The following DNAH2 variants were observed in gnomAD, a reference collection of about 807,000 sequenced individuals.
The protein encoded by DNAH2 is dynein axonemal heavy chain 2, also known as axonemal beta dynein heavy chain 2.
A neutral mutation model predicts 523.5 loss-of-function variants in DNAH2; 323 were observed. The ratio of observed to expected loss-of-function variants is 0.62; its 90% confidence interval spans 0.56 to 0.68. The LOEUF is 0.68. Ranked by LOEUF, DNAH2 falls within the 30% of genes least tolerant of loss-of-function variation. The pLI, the probability that DNAH2 is intolerant of heterozygous loss-of-function variation, is 0.00. For missense variants in DNAH2, 4,907 were observed against 5,701.5 expected, an observed-to-expected ratio of 0.86 and a Z score of 4.49; for synonymous variants, 2,093 against 2,177.4, an observed-to-expected ratio of 0.96 and a Z score of 1.08.
chr17:7,813,305 G>A lies in DNAH2; in HGVS notation c.9730-3266G>A, dbSNP rs190512909. Among the ~76,000 whole-genome samples the A allele has an allele frequency of 3.4e-3, 513 of 151,046 alleles. 7 individuals carry two copies. Among genetic ancestry groups the A allele is most frequent in the African/African-American group, 0.012 (483 of 41,136 alleles). On this transcript the variant is annotated intron_variant, in intron 63 of 85. Transcript: ENST00000572933. ...AGACAGGGTCTTGCTGTGCTGCTAC[G>A]GTCTCAAACTTCTGGCCTCAAGCAA... is the stretch of plus-strand genomic sequence containing the variant.
At chr17:7,755,671 G>A (rs1298195659) in intron 12 of DNAH2, among the ~76,000 whole-genome samples, 1 of 152,120 alleles carries the variant, frequency 6.6e-6, no homozygotes, top group East Asian at 1.9e-4. Flanking sequence ...CAGACGTGGA[G>A]CGGTTGTGAA....
At chr17:7,729,469 T>G (rs997905275) in intron 4 of DNAH2, among the ~76,000 whole-genome samples, 38 of 152,054 alleles carry the variant, frequency 2.5e-4, no homozygotes, top group Non-Finnish European at 4.1e-4. Flanking sequence ...TTGCTCTTGT[T>G]GCCCAGCCTG....
chr17:7,736,969 TA>T, intron 7 of DNAH2, 97 bp from the exon 8 acceptor site: 1 of 1,176,948 alleles, frequency 8.5e-7, no homozygotes. Context: ...GTGACAAGAG[TA>T]AAACTCCATC....
intron 77 of DNAH2, among the ~76,000 whole-genome samples, chr17:7,826,300 A>G (rs887155189): frequency 6.6e-6 from 1 of 152,034 alleles, no homozygotes; most frequent in African/African-American, 2.4e-5. Context: ...GATTACAGGG[A>G]TTACAGGTGT....
In DNAH2 at chr17:7,831,408, G is replaced by C. The variant is rs1184017009; in HGVS notation, c.12478G>C (p.Asp4160His). 6.2e-7 allele frequency: 1 copy of C among 1,614,026 alleles called. No homozygotes were observed. The highest frequency in any genetic ancestry group is 1.3e-5 in the African/African-American group (1 of 74,906). ...TGCTCAGGTCCTTGAGTTGGCCGCT[G>C]ATGTGAAGCAGAAGATCCCTGAAAT... is the stretch of plus-strand genomic sequence containing the variant. ...REEKVLELAA[D>H]VKQKIPEMID... The change falls in exon 81 of 86, where the codon GAT becomes CAT. Residue 4160 changes from aspartate to histidine, a missense_variant. By Grantham distance (81) the Asp-to-His change is moderately conservative. This residue lies in a region of DNAH2 where 1,851 missense variants were observed against 2,139.4 expected (regional missense o/e 0.87). Transcript: ENST00000572933. The surrounding 1 kb of genome is among the most constrained non-coding windows in gnomAD (Gnocchi z 4.2).
chr17:7,779,615 C>T (rs2076549897), intron 36 of DNAH2, among the ~76,000 whole-genome samples, 192 bp downstream of exon 36: 1 of 152,198 alleles, frequency 6.6e-6, no homozygotes, highest in African/African-American at 2.4e-5. Context: ...TTACTGTTTT[C>T]CCCAAAGGGA....
At chr17:7,730,693 A>T (rs921650305) in intron 4 of DNAH2, among the ~76,000 whole-genome samples, 1 of 152,186 alleles carries the variant, frequency 6.6e-6, no homozygotes. Context: ...GACTATTAGA[A>T]ATATCAATGC....
At position 7,754,942 on chromosome 17, in the gene DNAH2, A is replaced by T; in HGVS notation, c.1905-2149A>T. The T allele has an allele frequency of 7.1e-6, 3 of 424,904 alleles. No individual in the cohort carries two copies. The highest frequency in any genetic ancestry group is 1.3e-5 in the Non-Finnish European group (3 of 237,160). The allele number at this position is 424,904 out of a possible 1,614,324, so 26.3% of individuals were successfully genotyped here. A position where few individuals can be genotyped will look rare whatever the true frequency, so the allele number is the denominator to read the frequency against. On this transcript the variant is annotated intron_variant, in intron 12 of 85. Transcript: ENST00000572933. The surrounding 1 kb of genome is among the most constrained non-coding windows in gnomAD (Gnocchi z 4.6). Reference sequence around the variant, plus strand: ...CATGGGGCTGGGGTCCTCCTGCGCTATTGGTACAAATAAGCCTGAGGCAGA... The same window carrying T: ...CATGGGGCTGGGGTCCTCCTGCGCTTTTGGTACAAATAAGCCTGAGGCAGA...
rs145377124 is a variant in DNAH2 at position 7,807,222 on chromosome 17, T to A, written c.9515T>A (p.Ile3172Asn). ...DNISDKVLKK[I>N]GAYCAQPDFQ... The stretch of plus-strand genomic sequence containing the variant: ...ATCTCAGATAAGGTTCTGAAGAAGA[T>A]TGGGGCCTACTGCGCCCAGCCTGAC... Residue 3172 changes from isoleucine (I) to asparagine (N), a missense_variant, in exon 62 of 86, where the codon ATT (isoleucine) becomes AAT (asparagine). By Grantham distance (149) the Ile-to-Asn change is moderately radical. This residue lies in a region of DNAH2 where 1,851 missense variants were observed against 2,139.4 expected (regional missense o/e 0.87). Transcript: ENST00000572933. The surrounding 1 kb of genome is among the most constrained non-coding windows in gnomAD (Gnocchi z 5.6). 6.2e-7 allele frequency: 1 copy of A among 1,613,524 alleles called. No individual in the cohort carries two copies. Among genetic ancestry groups the A allele is most frequent in the Non-Finnish European group, 8.5e-7 (1 of 1,180,048 alleles).
chr17:7,737,321 G>A, intron 8 of DNAH2, 63 bp downstream of exon 8: 1 of 1,537,090 alleles, frequency 6.5e-7, no homozygotes, highest in Non-Finnish European at 8.9e-7. Flanking sequence ...TCTGAAGCAG[G>A]GGGAATGCAT....
chr17:7,765,570 T>G lies in DNAH2; in HGVS notation c.3511+5T>G, dbSNP rs375042278. On this transcript the variant is annotated splice_donor_5th_base_variant and intron_variant, in intron 21 of 85. Coordinates refer to ENST00000572933, the MANE Select transcript of DNAH2 (RefSeq NM_020877.5). ...TGGAAGATTTCGAATTCAAAGGTAC[T>G]CCTTGATCCACCTCTCCCGCTTCTT... is the stretch of plus-strand genomic sequence containing the variant. The G allele has an allele frequency of 6.3e-5, 102 of 1,609,952 alleles. No homozygotes were observed. Among genetic ancestry groups the G allele is most frequent in the Non-Finnish European group, 7.6e-5 (90 of 1,177,760 alleles).
In DNAH2 at chr17:7,771,341, A is replaced by G. The variant is rs1392629818; in HGVS notation, c.4374A>G (p.Leu1458=). Residue 1458 remains leucine, a synonymous_variant, in exon 28 of 86, where the codon CTA becomes CTG. Coordinates refer to ENST00000572933, the MANE Select transcript of DNAH2 (RefSeq NM_020877.5). ...RQWMYLENIF[L]GEDIRKQLPN... is the part of the protein sequence containing the mutation. ...TTTGGCCCCCTCAGAATATCTTCCT[A>G]GGAGAAGACATCCGCAAGCAGCTGC... 2 of 1,614,080 alleles carry G rather than the reference A, an allele frequency of 1.2e-6. No homozygotes were observed. The highest frequency in any genetic ancestry group is 3.3e-5 in the Admixed American group (2 of 60,006).
intron 48 of DNAH2, among the ~76,000 whole-genome samples, chr17:7,793,515 CTTCTCTTTCTCTTTCTTTCTT>C (rs1567709701): frequency 3.8e-5 from 4 of 104,562 alleles, no homozygotes; most frequent in Admixed American, 9.9e-5. Context: ...TTCTTTCTTT[CTTCTCTTTCTCTTTCTTTCTT>C]TTTCTTTCTT....
rs2076747712 is a variant in DNAH2 at position 7,786,765 on chromosome 17, T to C, written c.6466+78T>C. 18 of 1,598,400 alleles carry C rather than the reference T, an allele frequency of 1.1e-5. No homozygotes were observed. In the South Asian group the frequency reaches 1.6e-4, roughly 14 times the overall value. On this transcript the variant is annotated intron_variant, in intron 41 of 85. Coordinates refer to ENST00000572933, the MANE Select transcript of DNAH2 (RefSeq NM_020877.5). This position sits in a 1 kb window ranked among gnomAD's most constrained non-coding sequence, Gnocchi z 7.5. ...GGCAGGGAGTCTGGGGATAGGAAGT[T>C]CCAAGTTGGGAGAGAAATGCCTGGG...
intron 39 of DNAH2, among the ~76,000 whole-genome samples, chr17:7,783,452 G>A (rs62059687): frequency 0.26 from 40,047 of 151,976 alleles, 6,013 homozygotes; most frequent in Non-Finnish European, 0.35. Flanking sequence ...GGTAGAGTTT[G>A]GAATTGAGTT....
intron 2 of DNAH2, among the ~76,000 whole-genome samples, chr17:7,722,662 T>C (rs1229216600): frequency 6.6e-6 from 1 of 152,038 alleles, no homozygotes; most frequent in African/African-American, 2.4e-5. Flanking sequence ...CTGGCTTTTT[T>C]CACTTGGCAC....
chr17:7,797,413 C>A lies in DNAH2; in HGVS notation c.7963C>A (p.Arg2655=), dbSNP rs201837780. Residue 2655 remains arginine, a synonymous_variant, in exon 52 of 86, where the codon CGG becomes AGG. Coordinates refer to ENST00000572933, the MANE Select transcript of DNAH2 (RefSeq NM_020877.5). ...CCCTGCCCACAGAGTCTTCTCTGAC[C>A]GGCTGGTTGATGCGGCAGACACAGA... ...IHECFRVFSD[R]LVDAADTEAF... is the part of the protein sequence containing the mutation. 11 of 1,614,008 alleles carry A rather than the reference C, an allele frequency of 6.8e-6. No homozygotes were observed. The African/African-American group carries it at 1.2e-4, about 18-fold the overall frequency.
chr17:7,740,781 G>T (rs774510134), intron 10 of DNAH2, 29 bp from the exon 11 acceptor site: 2 of 1,588,612 alleles, frequency 1.3e-6, no homozygotes, highest in African/African-American at 1.3e-5. Flanking sequence ...TCCCGGGCAC[G>T]TCGCCAGCCT....
In DNAH2 at chr17:7,737,159, C is replaced by T. The variant is rs777702749; in HGVS notation, c.1071C>T (p.Ile357=). Reference sequence around the variant, plus strand: ...TGGCTTTCATGAAGCCCAAGGACATCTCTAGCAAGCTCCCTAAGCTGATCA... The same window carrying T: ...TGGCTTTCATGAAGCCCAAGGACATTTCTAGCAAGCTCCCTAAGCTGATCA... The part of the protein sequence containing the change: ...QELAFMKPKD[I]SSKLPKLISL... Residue 357 remains isoleucine (I), a synonymous_variant, in exon 8 of 86, where the codon ATC becomes ATT. Coordinates refer to ENST00000572933, the MANE Select transcript of DNAH2 (RefSeq NM_020877.5). The T allele has an allele frequency of 3.0e-5, 49 of 1,614,042 alleles. No individual in the cohort carries two copies. Among genetic ancestry groups the T allele is most frequent in the Non-Finnish European group, 4.0e-5 (47 of 1,180,042 alleles).
Sources: gnomAD v4.1 joint callset for allele counts (sites outside exome capture counted in the v4.1 genomes callset) on GRCh38, gnomAD v4.1.1 for gene constraint, gnomAD v4.1.1 regional missense constraint, Gnocchi (gnomAD v3.1) non-coding constraint, MANE v1.5 for transcripts, NCBI Gene and HGNC (gene_info 2026-07-23, HGNC 2026-07-21) for gene names.